CFAP46: variants seen among roughly 807,000 people sequenced by gnomAD.
The protein encoded by CFAP46 is cilia- and flagella-associated protein 46.
In CFAP46, 245 loss-of-function variants were observed where a neutral mutation model predicts 325.7. The ratio of observed to expected loss-of-function variants is 0.75; its 90% CI spans 0.68 to 0.84. The LOEUF is 0.84. CFAP46 is among the 40% of genes least tolerant of loss of function. CFAP46 has a pLI of 0.00. For missense variants in CFAP46, 3,346 were observed against 3,543.0 expected, an observed-to-expected ratio of 0.94 and a Z score of 1.41; for synonymous variants, 1,523 against 1,495.9, an observed-to-expected ratio of 1.02 and a Z score of -0.42.
intron 17 of CFAP46, 140 bp downstream of exon 17, chr10:132,916,409 A>T: frequency 1.1e-6 from 1 of 925,322 alleles, no homozygotes; most frequent in Non-Finnish European, 1.5e-6. Context: ...CATTTACGTG[A>T]CGATGGACAC....
At chr10:132,880,368 C>T (rs978191882) in intron 28 of CFAP46, among the ~76,000 whole-genome samples, 2 of 152,252 alleles carry the variant, frequency 1.3e-5, no homozygotes, top group Admixed American at 1.3e-4. Flanking sequence ...TCCTGCACTG[C>T]TGTGAGCAGG....
intron 4 of CFAP46, 120 bp downstream of exon 4, chr10:132,940,876 A>T: frequency 1.0e-6 from 1 of 982,340 alleles, no homozygotes; most frequent in Non-Finnish European, 1.6e-6. Context: ...CGTGCATGAA[A>T]ATCACAGACC....
intron 32 of CFAP46, among the ~76,000 whole-genome samples, chr10:132,870,590 C>G (rs867031831): frequency 6.6e-6 from 1 of 152,148 alleles, no homozygotes; most frequent in East Asian, 1.9e-4. Flanking sequence ...TGGTCTGCGC[C>G]GAAGATCAAA....
rs1049592027 is a variant in CFAP46, at chr10:132,915,335, C to T, written c.2120+1214G>A. On this transcript the variant is annotated intron_variant, in intron 17 of 57. Transcript: ENST00000368586. Reference sequence around the variant, plus strand: ...GACGGGGCTGTGAGGGCTGGAGGCCCGGGGTGGGCCTGGGCCCGGTGGCTC... The same window carrying T: ...GACGGGGCTGTGAGGGCTGGAGGCCTGGGGTGGGCCTGGGCCCGGTGGCTC... Among the ~76,000 whole-genome samples, 65 of 152,192 alleles carry T rather than the reference C, an allele frequency of 4.3e-4. 4 individuals are homozygous for T. The highest frequency in any genetic ancestry group is 2.1e-4 in the South Asian group (1 of 4,832).
At chr10:132,926,724 C>T (rs1160247528) in intron 9 of CFAP46, 58 bp from the exon 10 acceptor site, 3 of 1,259,672 alleles carry the variant, frequency 2.4e-6, no homozygotes, top group South Asian at 1.3e-5. Context: ...CAGCTGTGTA[C>T]ATTCATGAAA....
At chr10:132,850,204 G>C in intron 41 of CFAP46, 40 bp downstream of exon 41, 1 of 1,541,950 alleles carries the variant, frequency 6.5e-7, no homozygotes, top group Non-Finnish European at 8.8e-7. Context: ...CGGGTGACTG[G>C]TGTTGGAGCC....
At chr10:132,838,403 T>C (rs1329854509) in intron 44 of CFAP46, among the ~76,000 whole-genome samples, 1 of 152,274 alleles carries the variant, frequency 6.6e-6, no homozygotes, top group African/African-American at 2.4e-5. Context: ...AAAAGCTCGA[T>C]GGATTTTTGC....
In CFAP46 at chr10:132,834,054, G is replaced by A; in HGVS notation, c.6936C>T (p.Ser2312=). 3 of 1,614,032 alleles carry A rather than the reference G, an allele frequency of 1.9e-6. No individual in the cohort carries two copies. Among genetic ancestry groups the A allele is most frequent in the Non-Finnish European group, 2.5e-6 (3 of 1,179,930 alleles). ...SKGKDKERKT[S]TGQHSTVQPE... ...CGCCCCACTCACTGTGTTGTCCTGTGGACGTTTTCCTCTCCTTGTCTTTGC... is the reference window on the plus strand; with the variant it reads ...CGCCCCACTCACTGTGTTGTCCTGTAGACGTTTTCCTCTCCTTGTCTTTGC... Residue 2312 remains serine, a synonymous_variant, in exon 49 of 58, where the codon TCC becomes TCT. Coordinates refer to ENST00000368586, the MANE Select transcript of CFAP46 (RefSeq NM_001200049.3).
intron 7 of CFAP46, among the ~76,000 whole-genome samples, chr10:132,935,690 A>G (rs1189647689): frequency 4.2e-5 from 5 of 120,014 alleles, no homozygotes; most frequent in Non-Finnish European, 6.8e-5. Context: ...CTCCCCTCAC[A>G]TCCAAACACA....
At position 132,884,753 on chromosome 10, in the gene CFAP46, C is replaced by T. The variant is rs1427563180; in HGVS notation, c.3627+350G>A. On this transcript the variant is annotated intron_variant, in intron 27 of 57. Transcript: ENST00000368586. This position sits in a 1 kb window ranked among gnomAD's most constrained non-coding sequence, Gnocchi z 5.4. ...ACCCGCCCATCGGGGCCCCTGCCTG[C>T]TCTCCTCTGCAGCCACCCGCCCATC... Among the ~76,000 whole-genome samples the T allele has an allele frequency of 5.3e-5, 8 of 152,102 alleles. No homozygotes were observed. Among genetic ancestry groups the T allele is most frequent in the Admixed American group, 5.2e-4 (8 of 15,296 alleles).
At chr10:132,907,058 G>A (rs1015330462) in intron 22 of CFAP46, among the ~76,000 whole-genome samples, 8 of 152,266 alleles carry the variant, frequency 5.3e-5, no homozygotes, top group African/African-American at 9.6e-5. Flanking sequence ...GCATCCCCAC[G>A]GGTGTGGCCG....
At chr10:132,865,512 C>T (rs931118254) in intron 35 of CFAP46, among the ~76,000 whole-genome samples, 2 of 152,166 alleles carry the variant, frequency 1.3e-5, no homozygotes, top group Non-Finnish European at 2.9e-5. Context: ...GCCGGGGAGA[C>T]GGGGCCTCAG....
intron 8 of CFAP46, 40 bp downstream of exon 8, chr10:132,934,712 G>C: frequency 3.1e-6 from 4 of 1,308,774 alleles, no homozygotes; most frequent in Middle Eastern, 3.8e-4. Flanking sequence ...TTTGTACAAC[G>C]ATTATGAAGA....
intron 9 of CFAP46, chr10:132,929,135 A>G (rs956117611): frequency 4.0e-6 from 1 of 248,904 alleles, no homozygotes; most frequent in African/African-American, 2.2e-5. Context: ...ACCCGATTAT[A>G]CTGTGATTTT....
intron 57 of CFAP46, 91 bp downstream of exon 57, chr10:132,810,318 G>C (rs1487840079): frequency 9.3e-7 from 1 of 1,077,046 alleles, no homozygotes; most frequent in African/African-American, 1.6e-5. Context: ...GGAGACACCT[G>C]TCCCTGCAGG....
Position 132,916,714 on chromosome 10 carries a change from T to C in CFAP46, c.1987-32A>G, listed in dbSNP as rs986389067. 6 of 1,428,230 alleles carry C rather than the reference T, an allele frequency of 4.2e-6. No homozygotes were observed. The Admixed American group carries it at 1.4e-4, about 34-fold the overall frequency. 88.5% of individuals were successfully genotyped at this position (1,428,230 alleles called of 1,614,324 possible). ...AACACACATGCGGTGGGAGGGGTCA[T>C]GGGCGGAGCACGGGCCCAGCACCAG... On this transcript the variant is annotated intron_variant, in intron 16 of 57. Coordinates refer to ENST00000368586, the MANE Select transcript of CFAP46 (RefSeq NM_001200049.3).
intron 9 of CFAP46, among the ~76,000 whole-genome samples, chr10:132,927,188 C>T (rs1047480021): frequency 8.5e-5 from 13 of 152,234 alleles, no homozygotes; most frequent in East Asian, 1.9e-4. Context: ...CCCCTAAACC[C>T]GCCCTGGCGT....
chr10:132,874,782 C>A (rs1474212130), intron 31 of CFAP46, among the ~76,000 whole-genome samples: 3 of 151,966 alleles, frequency 2.0e-5, no homozygotes, highest in African/African-American at 7.3e-5. Flanking sequence ...CAATAAAGAT[C>A]GATAAAAACC....
rs140111098 is a variant in CFAP46 at position 132,812,063 on chromosome 10, A to G, written c.7501+722T>C. Among the ~76,000 whole-genome samples, 25 of 152,336 alleles carry G rather than the reference A, an allele frequency of 1.6e-4. No homozygotes were observed. In the East Asian group the frequency reaches 4.8e-3, roughly 29 times the overall value. ...GGCGTCCTGGTGGGGCTGCAGCCAC[A>G]GGACGTTGAGTCAGAGGGGTGGCCT... On this transcript the variant is annotated intron_variant, in intron 55 of 57. Transcript: ENST00000368586.
Sources: gnomAD v4.1 joint callset for allele counts (sites outside exome capture counted in the v4.1 genomes callset) on GRCh38, gnomAD v4.1.1 for gene constraint, Gnocchi (gnomAD v3.1) non-coding constraint, MANE v1.5 for transcripts, NCBI Gene and HGNC (gene_info 2026-07-23, HGNC 2026-07-21) for gene names.